The following CTDSPL variants were observed in gnomAD, a reference collection of about 807,000 sequenced individuals.
CTDSPL encodes the protein CTD small phosphatase-like protein.
A neutral mutation model predicts 30.5 loss-of-function variants in CTDSPL; 8 were observed. That is an observed-to-expected ratio of 0.26 (90% CI 0.15 to 0.47). The LOEUF (loss-of-function observed/expected upper bound fraction) is 0.47. Ranked by LOEUF, CTDSPL falls within the 20% of genes least tolerant of loss-of-function variation. CTDSPL has a pLI of 0.99. For synonymous variants in CTDSPL, 110 were observed against 137.9 expected, an observed-to-expected ratio of 0.80 and a Z score of 1.42; for missense variants, 248 against 366.1, an observed-to-expected ratio of 0.68 and a Z score of 2.63.
intron 1 of CTDSPL, among the ~76,000 whole-genome samples, chr3:37,907,330 T>G (rs538844609): frequency 6.6e-6 from 1 of 152,340 alleles, no homozygotes; most frequent in East Asian, 1.9e-4. Context: ...AAGGGCATTT[T>G]TAAACCTATA....
intron 3 of CTDSPL, among the ~76,000 whole-genome samples, chr3:37,960,326 C>CAA (rs1187025281): frequency 1.3e-5 from 2 of 151,082 alleles, no homozygotes; most frequent in African/African-American, 2.4e-5. Context: ...ACTAAAAATA[C>CAA]AAAATTAGCC....
intron 1 of CTDSPL, among the ~76,000 whole-genome samples, chr3:37,921,062 G>A (rs1226682463): frequency 6.6e-6 from 1 of 152,212 alleles, no homozygotes; most frequent in Non-Finnish European, 1.5e-5. Context: ...AAAGAGGGGA[G>A]TCCAGAGAGG....
intron 1 of CTDSPL, among the ~76,000 whole-genome samples, chr3:37,887,105 G>A (rs1365287003): frequency 6.6e-6 from 1 of 152,222 alleles, no homozygotes; most frequent in African/African-American, 2.4e-5. Context: ...CAGTGGCTCA[G>A]TACTGCAGCC....
chr3:37,975,855 C>A lies in CTDSPL; in HGVS notation c.666C>A (p.Asp222Glu). The change falls in exon 7 of 8, where the codon GAC (aspartate) becomes GAA (glutamate). Residue 222 changes from aspartate (D) to glutamate (E), a missense_variant. Physicochemically the swap from Asp to Glu is conservative, Grantham distance 45 (BLOSUM62 2). Around this residue, in one of 4 missense-constraint regions of CTDSPL, gnomAD observed 84 missense variants for 139.4 expected, o/e 0.60. Transcript: ENST00000273179. The surrounding 1 kb of genome is among the most constrained non-coding windows in gnomAD (Gnocchi z 4.9). ...GRELSKVIIV[D>E]NSPASYIFHP... Reference sequence around the variant, plus strand: ...AGCTGAGCAAAGTGATCATTGTTGACAATTCCCCTGCCTCATACATCTTCC... The same window carrying A: ...AGCTGAGCAAAGTGATCATTGTTGAAAATTCCCCTGCCTCATACATCTTCC... 1 of 1,614,154 alleles carries A rather than the reference C, an allele frequency of 6.2e-7. No homozygotes were observed.
intron 1 of CTDSPL, among the ~76,000 whole-genome samples, chr3:37,892,709 A>T (rs893202180): frequency 6.6e-6 from 1 of 152,182 alleles, no homozygotes; most frequent in East Asian, 1.9e-4. Flanking sequence ...TAAGCAGTTC[A>T]TTTAAACTCT....
chr3:37,969,479 G>A (rs1312679129), intron 5 of CTDSPL: 2 of 501,862 alleles, frequency 4.0e-6, no homozygotes, highest in Non-Finnish European at 8.2e-6. Context: ...GCACGGGGAC[G>A]CGGGCCTGGA....
Position 37,975,973 on chromosome 3 carries a change from C to G in CTDSPL, c.705+79C>G. On this transcript the variant is annotated intron_variant, in intron 7 of 7. Coordinates refer to ENST00000273179, the MANE Select transcript of CTDSPL (RefSeq NM_001008392.2). This position sits in a 1 kb window ranked among gnomAD's most constrained non-coding sequence, Gnocchi z 4.9. ...GCCAGGCAGGTACCACTTTTGAGCACCTACACAAGAAGGTCTCTGGGCCTT... is the reference window on the plus strand; with the variant it reads ...GCCAGGCAGGTACCACTTTTGAGCAGCTACACAAGAAGGTCTCTGGGCCTT... 1 of 1,455,412 alleles carries G rather than the reference C, an allele frequency of 6.9e-7. No homozygotes were observed. The highest frequency in any genetic ancestry group is 9.4e-7 in the Non-Finnish European group (1 of 1,064,326). 90.2% of individuals were successfully genotyped at this position (1,455,412 alleles called of 1,614,324 possible).
chr3:37,932,760 C>CAT (rs1429057198), intron 1 of CTDSPL, among the ~76,000 whole-genome samples: 1 of 152,168 alleles, frequency 6.6e-6, no homozygotes, highest in Non-Finnish European at 1.5e-5. Context: ...GCAGATTGTC[C>CAT]ATAGGTATCA....
chr3:37,962,910 C>A (rs1453475196), intron 3 of CTDSPL, among the ~76,000 whole-genome samples: 1 of 152,200 alleles, frequency 6.6e-6, no homozygotes, highest in South Asian at 2.1e-4. Context: ...CTGTCCCAGA[C>A]AACAAAAATG....
chr3:37,915,267 T>C (rs1698632885), intron 1 of CTDSPL, among the ~76,000 whole-genome samples: 1 of 152,214 alleles, frequency 6.6e-6, no homozygotes, highest in Admixed American at 6.5e-5. Flanking sequence ...CTGAGCAGTT[T>C]ACTATGATTT....
In CTDSPL at chr3:37,947,018, G is replaced by A. The variant is rs1310531120; in HGVS notation, c.80-39G>A. On this transcript the variant is annotated intron_variant, in intron 1 of 7. Coordinates refer to ENST00000273179, the MANE Select transcript of CTDSPL (RefSeq NM_001008392.2). ...CATTATATTACAACTATCAGTACAT[G>A]CTGCAGTTGGCCATAGTGTGCTCTG... 1.9e-6 allele frequency: 3 copies of A among 1,596,524 alleles called. No homozygotes were observed. In the Admixed American group the frequency reaches 5.1e-5, roughly 27 times the overall value.
chr3:37,866,612 G>A (rs1034615732), intron 1 of CTDSPL, among the ~76,000 whole-genome samples: 1 of 152,214 alleles, frequency 6.6e-6, no homozygotes, highest in African/African-American at 2.4e-5. Context: ...TTAGTATGCA[G>A]TATTAGCAAG....
At chr3:37,909,024 C>T (rs1024274472) in intron 1 of CTDSPL, among the ~76,000 whole-genome samples, 8 of 152,182 alleles carry the variant, frequency 5.3e-5, no homozygotes, top group East Asian at 1.9e-4. Flanking sequence ...TTTTAGAATT[C>T]GAAATTTTAC....
At chr3:37,943,983 C>T (rs140130685) in intron 1 of CTDSPL, among the ~76,000 whole-genome samples, 3 of 150,346 alleles carry the variant, frequency 2.0e-5, no homozygotes, top group Non-Finnish European at 4.5e-5. Flanking sequence ...GTGACAGTAG[C>T]CACATTGCTT....
chr3:37,914,715 G>A (rs1186593457), intron 1 of CTDSPL, among the ~76,000 whole-genome samples: 1 of 151,946 alleles, frequency 6.6e-6, no homozygotes, highest in Non-Finnish European at 1.5e-5. Context: ...TTTATTCGAG[G>A]CTTTGCTCCT....
At chr3:37,894,391 A>C (rs1053313450) in intron 1 of CTDSPL, among the ~76,000 whole-genome samples, 11 of 152,106 alleles carry the variant, frequency 7.2e-5, no homozygotes, top group Non-Finnish European at 1.3e-4. Context: ...ACAGGCGTGA[A>C]CCACCAGGCC....
At chr3:37,960,121 G>A (rs962581267) in intron 3 of CTDSPL, among the ~76,000 whole-genome samples, 14 of 151,820 alleles carry the variant, frequency 9.2e-5, no homozygotes, top group Admixed American at 5.2e-4. Context: ...CGAGGTGGGC[G>A]GATCACCTGA....
chr3:37,904,147 G>A (rs564619548), intron 1 of CTDSPL, among the ~76,000 whole-genome samples: 2 of 151,810 alleles, frequency 1.3e-5, no homozygotes, highest in East Asian at 3.9e-4. Flanking sequence ...CTGTCAGACT[G>A]CCAGCAGAAC....
Position 37,960,731 on chromosome 3 carries a change from C to CAAACA in CTDSPL, c.267+3606_267+3610dup, listed in dbSNP as rs1002470478. Among the ~76,000 whole-genome samples, 6 of 150,866 alleles carry CAAACA rather than the reference C, an allele frequency of 4.0e-5. No homozygotes were observed. In the East Asian group the frequency reaches 5.8e-4, roughly 15 times the overall value. ...GGCTACAGAGCCAGACCCTGTCTCA[C>CAAACA]AAACAAAACAAAACAAAACAAAGAT... On this transcript the variant is annotated intron_variant, in intron 3 of 7. Transcript: ENST00000273179.
Sources: gnomAD v4.1 joint callset for allele counts (sites outside exome capture counted in the v4.1 genomes callset) on GRCh38, gnomAD v4.1.1 for gene constraint, gnomAD v4.1.1 regional missense constraint, Gnocchi (gnomAD v3.1) non-coding constraint, MANE v1.5 for transcripts, NCBI Gene and HGNC (gene_info 2026-07-23, HGNC 2026-07-21) for gene names.